The following GSG1L variants were observed in gnomAD, a reference collection of about 807,000 sequenced individuals.
The protein encoded by GSG1L is GSG1 like.
A neutral mutation model predicts 42.1 loss-of-function variants in GSG1L; 24 were observed. The observed-to-expected ratio is 0.57, with a 90% CI of 0.41 to 0.80. GSG1L has a LOEUF of 0.80. Among genes scored for constraint, GSG1L ranks in the 30% least tolerant of loss-of-function variants. The pLI is 0.00. For synonymous variants in GSG1L, 215 were observed against 203.5 expected, an observed-to-expected ratio of 1.06 and a Z score of -0.48; for missense variants, 445 against 472.2, an observed-to-expected ratio of 0.94 and a Z score of 0.53.
intron 2 of GSG1L, among the ~76,000 whole-genome samples, chr16:27,897,458 C>T (rs1189644886): frequency 1.3e-5 from 2 of 152,136 alleles, no homozygotes; most frequent in Non-Finnish European, 2.9e-5. Flanking sequence ...TCTATTGTGT[C>T]TGGGTAATTT....
At chr16:27,847,898 T>C (rs1316788102) in intron 3 of GSG1L, among the ~76,000 whole-genome samples, 1 of 152,220 alleles carries the variant, frequency 6.6e-6, no homozygotes, top group Non-Finnish European at 1.5e-5. Flanking sequence ...TGCAGAACCA[T>C]GAGCCAATTA....
intron 5 of GSG1L, among the ~76,000 whole-genome samples, chr16:27,808,699 T>C (rs1297984097): frequency 1.3e-5 from 2 of 152,196 alleles, no homozygotes; most frequent in African/African-American, 4.8e-5. Flanking sequence ...TTCCTAAAGA[T>C]AATTCTGCGT....
chr16:27,966,113 C>A (rs2085130216), intron 1 of GSG1L, among the ~76,000 whole-genome samples: 1 of 152,186 alleles, frequency 6.6e-6, no homozygotes, highest in African/African-American at 2.4e-5. Flanking sequence ...CACTCGCATA[C>A]CTGAGTAGTT....
intron 1 of GSG1L, among the ~76,000 whole-genome samples, chr16:27,986,062 T>C (rs2085377868): frequency 1.3e-5 from 2 of 152,190 alleles, no homozygotes; most frequent in African/African-American, 4.8e-5. Context: ...GATTACTTAG[T>C]ACTATGACAG....
chr16:28,000,994 T>G (rs2085573336), intron 1 of GSG1L, among the ~76,000 whole-genome samples: 2 of 152,222 alleles, frequency 1.3e-5, no homozygotes, highest in South Asian at 4.1e-4. Context: ...AAGTCAATTC[T>G]CAATTATTCA....
intron 1 of GSG1L, among the ~76,000 whole-genome samples, chr16:27,993,645 G>A (rs1257886158): frequency 2.0e-5 from 3 of 152,154 alleles, no homozygotes; most frequent in Non-Finnish European, 1.5e-5. Flanking sequence ...GAGGAGAAAG[G>A]AAGAAGCTGG....
intron 1 of GSG1L, among the ~76,000 whole-genome samples, chr16:28,015,834 CA>C (rs1379602970): frequency 2.0e-5 from 3 of 152,262 alleles, no homozygotes; most frequent in African/African-American, 7.2e-5. Flanking sequence ...AGCTTGGTTC[CA>C]GTGGTGGCCG....
rs116029837 is a variant in GSG1L, at chr16:27,986,154, G to A, written c.350-22951C>T. Among the ~76,000 whole-genome samples, 1,166 of 152,278 alleles carry A rather than the reference G, an allele frequency of 7.7e-3. 15 individuals carry two copies. Among genetic ancestry groups the A allele is most frequent in the African/African-American group, 0.026 (1,080 of 41,568 alleles). On this transcript the variant is annotated intron_variant, in intron 1 of 6. Transcript: ENST00000447459. The stretch of plus-strand genomic sequence containing the variant: ...GAGGGTGGCTGACAGTGTTTACAAC[G>A]AGAGTTATTGCCGCAGGGAGGCTAC...
At chr16:27,881,720 C>T (rs1220124021) in intron 3 of GSG1L, among the ~76,000 whole-genome samples, 1 of 152,064 alleles carries the variant, frequency 6.6e-6, no homozygotes, top group African/African-American at 2.4e-5. Context: ...GTTATTTCCC[C>T]CAACTGGGTT....
chr16:27,906,343 C>T (rs1463374282), intron 2 of GSG1L, among the ~76,000 whole-genome samples: 1 of 152,202 alleles, frequency 6.6e-6, no homozygotes, highest in African/African-American at 2.4e-5. Flanking sequence ...GTTTCCCTGG[C>T]GGAAACATTT....
At chr16:27,875,097 G>A (rs577907353) in intron 3 of GSG1L, among the ~76,000 whole-genome samples, 6 of 152,280 alleles carry the variant, frequency 3.9e-5, no homozygotes, top group Admixed American at 2.6e-4. Flanking sequence ...CACACCAGGC[G>A]TCATCTGTGG....
intron 2 of GSG1L, among the ~76,000 whole-genome samples, chr16:27,950,682 AGCAAG>A (rs1400408649): frequency 6.6e-6 from 1 of 152,106 alleles, no homozygotes; most frequent in Non-Finnish European, 1.5e-5. Flanking sequence ...TGTGACCTTG[AGCAAG>A]GCAGTTGACC....
At position 27,791,299 on chromosome 16, in the gene GSG1L, C is replaced by T; in HGVS notation, c.*71G>A. The T allele has an allele frequency of 1.1e-5, 11 of 1,043,078 alleles. No homozygotes were observed. Among genetic ancestry groups the T allele is most frequent in the Non-Finnish European group, 1.4e-5 (11 of 759,006 alleles). 64.6% of individuals were successfully genotyped at this position (1,043,078 alleles called of 1,614,324 possible). On this transcript the variant is annotated 3_prime_UTR_variant, in exon 7 of 7. Coordinates refer to ENST00000447459, the MANE Select transcript of GSG1L (RefSeq NM_001109763.2). ...ACAGGCCAGGGTTCTGGGGGCACCA[C>T]TCTGGTGGTCTTGCAGCAGGGGCTG...
chr16:27,947,569 G>GAAAGAAAGAA (rs1674850518), intron 2 of GSG1L, among the ~76,000 whole-genome samples: 1 of 93,980 alleles, frequency 1.1e-5, no homozygotes, highest in Non-Finnish European at 2.6e-5. Context: ...AAGAAAGAAA[G>GAAAGAAAGAA]AAAGAAAGAA....
intron 3 of GSG1L, among the ~76,000 whole-genome samples, chr16:27,861,892 C>T (rs2083657112): frequency 1.3e-5 from 2 of 152,276 alleles, no homozygotes; most frequent in South Asian, 4.2e-4. Flanking sequence ...TTCAGAAATG[C>T]CAAAGCAGAT....
intron 1 of GSG1L, among the ~76,000 whole-genome samples, chr16:27,993,622 G>A (rs4787441): frequency 0.65 from 98,262 of 152,032 alleles, 33,509 homozygotes; most frequent in East Asian, 0.85. Context: ...ACTTTCCAGT[G>A]GTGTAAGTGA....
At chr16:28,046,341 CTTTTTT>C (rs201480876) in intron 1 of GSG1L, among the ~76,000 whole-genome samples, 46 of 76,038 alleles carry the variant, frequency 6.0e-4, no homozygotes, top group Admixed American at 1.8e-3. Flanking sequence ...GAAGTCCACT[CTTTTTT>C]TTTTTTTTTT....
At chr16:27,811,279 T>C (rs1042474815) in intron 5 of GSG1L, among the ~76,000 whole-genome samples, 2 of 152,246 alleles carry the variant, frequency 1.3e-5, no homozygotes, top group African/African-American at 4.8e-5. Flanking sequence ...CTTTTTTTCT[T>C]ATAGCTGTAT....
chr16:27,831,557 G>T (rs887570873), intron 4 of GSG1L, among the ~76,000 whole-genome samples: 3 of 152,164 alleles, frequency 2.0e-5, no homozygotes, highest in South Asian at 2.1e-4. Context: ...CAAACTAAAG[G>T]CCTGAGCAAA....
Sources: allele counts gnomAD v4.1 joint callset (sites outside exome capture counted in the v4.1 genomes callset), GRCh38; gene constraint gnomAD v4.1.1; transcripts MANE v1.5; gene names NCBI Gene and HGNC (gene_info 2026-07-23, HGNC 2026-07-21).